The following GSR variants were observed in gnomAD, a reference collection of about 807,000 sequenced individuals.
GSR encodes the protein glutathione-disulfide reductase.
A neutral mutation model predicts 56.5 loss-of-function variants in GSR; 48 were observed. That is an observed-to-expected ratio of 0.85 (90% CI 0.67 to 1.08). GSR has a LOEUF of 1.08. Ranked by LOEUF, GSR falls within the 50% of genes least tolerant of loss-of-function variation. The pLI is 0.00. For synonymous variants in GSR, 264 were observed against 270.8 expected (o/e 0.97, Z 0.25); for missense variants, 694 against 703.3 (o/e 0.99, Z 0.15).
At chr8:30,685,596 T>G (rs894854099) in intron 9 of GSR, among the ~76,000 whole-genome samples, 3 of 152,190 alleles carry the variant, frequency 2.0e-5, no homozygotes, top group African/African-American at 7.2e-5. Context: ...AGACATGTTA[T>G]GCTTATCATG....
intron 1 of GSR, among the ~76,000 whole-genome samples, chr8:30,717,067 G>C (rs556061420): frequency 8.7e-4 from 133 of 152,016 alleles, no homozygotes; most frequent in Non-Finnish European, 4.6e-4. Context: ...GAGAAACCCT[G>C]TTTCTACTAA....
At chr8:30,683,960 C>T in intron 10 of GSR, 128 bp downstream of exon 10, 1 of 755,494 alleles carries the variant, frequency 1.3e-6, no homozygotes, top group Non-Finnish European at 2.5e-6. Context: ...CACATTGTAC[C>T]ATTTTGACAA....
intron 4 of GSR, among the ~76,000 whole-genome samples, chr8:30,703,995 G>A (rs997201407): frequency 8.5e-5 from 13 of 152,106 alleles, no homozygotes; most frequent in East Asian, 3.9e-4. Flanking sequence ...AATTGAGGGC[G>A]AAAGTTCCTT....
chr8:30,684,798 G>A (rs961154335), intron 9 of GSR, among the ~76,000 whole-genome samples: 24 of 152,012 alleles, frequency 1.6e-4, no homozygotes, highest in African/African-American at 5.6e-4. Context: ...TACCCAGGCT[G>A]GAGTGCAGTG....
intron 2 of GSR, among the ~76,000 whole-genome samples, chr8:30,711,202 A>C (rs945698847): frequency 6.6e-6 from 1 of 152,198 alleles, no homozygotes. Context: ...ATATAATACC[A>C]AAAAGATGAC....
At chr8:30,716,064 A>C (rs1804323278) in intron 1 of GSR, among the ~76,000 whole-genome samples, 2 of 152,092 alleles carry the variant, frequency 1.3e-5, no homozygotes, top group South Asian at 4.1e-4. Context: ...GCAGGCATTC[A>C]TTCAGAGGTA....
chr8:30,691,788 G>A (rs1022476938), intron 8 of GSR, among the ~76,000 whole-genome samples: 2 of 151,868 alleles, frequency 1.3e-5, no homozygotes, highest in African/African-American at 4.8e-5. Context: ...AAAAATCAAA[G>A]TTTTAAAATC....
At chr8:30,688,969 G>A (rs1237833811) in intron 9 of GSR, among the ~76,000 whole-genome samples, 192 bp downstream of exon 9, 2 of 151,604 alleles carry the variant, frequency 1.3e-5, no homozygotes, top group East Asian at 3.9e-4. Flanking sequence ...GAAAAGGAAA[G>A]AAGAGAAGAG....
At chr8:30,725,881 C>CAAAAA (rs59192685) in intron 1 of GSR, among the ~76,000 whole-genome samples, 3 of 60,076 alleles carry the variant, frequency 5.0e-5, no homozygotes, top group African/African-American at 9.1e-5. Context: ...GACTCCCTCT[C>CAAAAA]AAAAAAAAAA....
intron 4 of GSR, chr8:30,704,656 G>A (rs1480702392): frequency 6.6e-6 from 1 of 152,178 alleles, no homozygotes; most frequent in Non-Finnish European, 1.5e-5. Flanking sequence ...CAAGAATAAT[G>A]GAACCATGTA....
At chr8:30,699,997 A>G in intron 6 of GSR, 84 bp downstream of exon 6, 2 of 951,722 alleles carry the variant, frequency 2.1e-6, no homozygotes, top group Non-Finnish European at 3.5e-6. Context: ...CCTACATTAA[A>G]TGCTTGGGAG....
At chr8:30,714,821 C>T (rs1261690566) in intron 1 of GSR, among the ~76,000 whole-genome samples, 1 of 152,180 alleles carries the variant, frequency 6.6e-6, no homozygotes, top group Non-Finnish European at 1.5e-5. Context: ...GCATGAGCCA[C>T]CACGCTTGGC....
At chr8:30,707,642 G>C (rs1325606486) in intron 4 of GSR, among the ~76,000 whole-genome samples, 1 of 151,048 alleles carries the variant, frequency 6.6e-6, no homozygotes, top group Non-Finnish European at 1.5e-5. Context: ...CCTGGCGACA[G>C]ATAGAGACCT....
chr8:30,694,277 T>C (rs1296247893), intron 7 of GSR, among the ~76,000 whole-genome samples: 1 of 152,116 alleles, frequency 6.6e-6, no homozygotes, highest in Admixed American at 6.6e-5. Flanking sequence ...ATAAATTCTG[T>C]CCCTGCAGAA....
chr8:30,727,829 G>A lies in GSR; in HGVS notation c.7C>T (p.Leu3=). 3 of 1,232,720 alleles carry A rather than the reference G, an allele frequency of 2.4e-6. No homozygotes were observed. Among genetic ancestry groups the A allele is most frequent in the Non-Finnish European group, 3.0e-6 (3 of 991,120 alleles). The allele number at this position is 1,232,720 out of a possible 1,614,324, so 76.4% of individuals were successfully genotyped here. MA[L]LPRALSAGAG... ...CCGGCGCTCAGGGCTCGGGGCAGCA[G>A]GGCCATGCACGCGGAAGTGGCGCGC... Residue 3 remains leucine, a synonymous_variant, in exon 1 of 13, where the codon CTG becomes TTG. Coordinates refer to ENST00000221130, the MANE Select transcript of GSR (RefSeq NM_000637.5).
Position 30,678,701 on chromosome 8 carries a change from A to T in GSR, c.*819T>A, listed in dbSNP as rs1802831242. 1 of 152,092 alleles carries T rather than the reference A, an allele frequency of 6.6e-6. No homozygotes were observed. The highest frequency in any genetic ancestry group is 1.5e-5 in the Non-Finnish European group (1 of 68,036). 9.4% of individuals were successfully genotyped at this position (152,092 alleles called of 1,614,324 possible). On this transcript the variant is annotated 3_prime_UTR_variant, in exon 13 of 13. Transcript: ENST00000221130. Reference sequence around the variant, plus strand: ...ATCATTAAAAAAGAAAAAAGAAAATAAGGCAGGCCGGCTTCTCACATTACA... The same window carrying T: ...ATCATTAAAAAAGAAAAAAGAAAATTAGGCAGGCCGGCTTCTCACATTACA...
chr8:30,705,681 G>A (rs546465762), intron 4 of GSR, among the ~76,000 whole-genome samples: 1 of 152,136 alleles, frequency 6.6e-6, no homozygotes, highest in African/African-American at 2.4e-5. Context: ...GCAGTGAGCT[G>A]TGATCACGAC....
At chr8:30,716,774 T>G (rs1466500403) in intron 1 of GSR, among the ~76,000 whole-genome samples, 1 of 152,036 alleles carries the variant, frequency 6.6e-6, no homozygotes, top group Non-Finnish European at 1.5e-5. Flanking sequence ...ACCACTGCAC[T>G]CCAGCTTGGG....
intron 4 of GSR, among the ~76,000 whole-genome samples, chr8:30,707,765 G>A (rs566756280): frequency 1.3e-5 from 2 of 152,226 alleles, no homozygotes; most frequent in East Asian, 3.9e-4. Context: ...GACCAGCCTG[G>A]CCAACATGGT....
Sources: gnomAD v4.1 joint callset for allele counts (sites outside exome capture counted in the v4.1 genomes callset) on GRCh38, gnomAD v4.1.1 for gene constraint, MANE v1.5 for transcripts, NCBI Gene and HGNC (gene_info 2026-07-23, HGNC 2026-07-21) for gene names.